The following ADORA2B variants were observed in gnomAD, a reference collection of about 807,000 sequenced individuals.
ADORA2B encodes adenosine receptor A2b.
ADORA2B carries 18 observed loss-of-function variants against 20.8 expected under a neutral mutation model. The ratio of observed to expected loss-of-function variants is 0.87; its 90% CI spans 0.60 to 1.29. The LOEUF is 1.29. ADORA2B is among the 50% of genes most tolerant of loss of function. The pLI, the probability that ADORA2B is intolerant of heterozygous loss-of-function variation, is 0.00. For synonymous variants in ADORA2B, 179 were observed against 178.3 expected (o/e 1.00, Z -0.03); for missense variants, 441 against 422.7 (o/e 1.04, Z -0.38).
the ADORA2B span, among the ~76,000 whole-genome samples, chr17:15,920,728 A>G: frequency 6.6e-6 from 1 of 152,054 alleles, no homozygotes; most frequent in African/African-American, 2.4e-5. Flanking sequence ...TCAAAAAAAA[A>G]AAAAAAAAAA....
chr17:15,943,433 C>T (rs1194622215), upstream of ADORA2B, among the ~76,000 whole-genome samples: 2 of 152,122 alleles, frequency 1.3e-5, no homozygotes, highest in Admixed American at 6.5e-5. Flanking sequence ...CTCAAAGGAT[C>T]CTCCTGCCTC....
intron 1 of ADORA2B, among the ~76,000 whole-genome samples, chr17:15,956,996 A>G (rs1969974591): frequency 1.3e-5 from 2 of 152,288 alleles, no homozygotes; most frequent in Middle Eastern, 6.8e-3. Flanking sequence ...GGAGTTTGAT[A>G]TGGTCAGGTT....
the ADORA2B span, among the ~76,000 whole-genome samples, chr17:15,904,729 T>C: frequency 6.6e-6 from 1 of 152,322 alleles, no homozygotes; most frequent in Non-Finnish European, 1.5e-5. Flanking sequence ...TTAATTTATT[T>C]TTGTGTAAAC....
chr17:15,857,262 A>G, the ADORA2B span, among the ~76,000 whole-genome samples: 1 of 152,216 alleles, frequency 6.6e-6, no homozygotes, highest in South Asian at 2.1e-4. Context: ...TCTAGATTTC[A>G]GAGGATGTAT....
chr17:15,871,495 T>C, the ADORA2B span, among the ~76,000 whole-genome samples: 2 of 152,094 alleles, frequency 1.3e-5, no homozygotes, highest in Non-Finnish European at 2.9e-5. Flanking sequence ...GGCCCTTGGC[T>C]GGAGTCTGAG....
At chr17:15,856,928 C>T in the ADORA2B span, among the ~76,000 whole-genome samples, 16 of 152,166 alleles carry the variant, frequency 1.1e-4, no homozygotes, top group East Asian at 2.3e-3. Flanking sequence ...AACAAGGAGC[C>T]GAATGTTAAT....
intron 1 of ADORA2B, among the ~76,000 whole-genome samples, chr17:15,948,295 C>T (rs868162500): frequency 6.6e-6 from 1 of 151,464 alleles, no homozygotes; most frequent in East Asian, 2.0e-4. Flanking sequence ...ACAAATATGA[C>T]GCCCTTGGCC....
At chr17:15,925,441 G>C in the ADORA2B span, among the ~76,000 whole-genome samples, 1 of 152,106 alleles carries the variant, frequency 6.6e-6, no homozygotes, top group Non-Finnish European at 1.5e-5. Context: ...GAGCCACCGA[G>C]TCTAGCCTGA....
At chr17:15,971,522 T>C (rs1212042939) in intron 1 of ADORA2B, among the ~76,000 whole-genome samples, 2 of 152,262 alleles carry the variant, frequency 1.3e-5, no homozygotes, top group Non-Finnish European at 2.9e-5. Context: ...CGACTGGTTC[T>C]TCTGCCTGTT....
the ADORA2B span, among the ~76,000 whole-genome samples, chr17:15,892,621 AG>A: frequency 6.6e-6 from 1 of 151,630 alleles, no homozygotes; most frequent in African/African-American, 2.4e-5. Flanking sequence ...CTCTTTCCCA[AG>A]AAGCTTTGCT....
chr17:15,965,379 T>G (rs1970103000), intron 1 of ADORA2B, among the ~76,000 whole-genome samples: 1 of 152,174 alleles, frequency 6.6e-6, no homozygotes, highest in African/African-American at 2.4e-5. Flanking sequence ...GTGAGTCTGT[T>G]CCATGGAGGA....
intron 1 of ADORA2B, among the ~76,000 whole-genome samples, chr17:15,956,566 T>G (rs908603829): frequency 6.6e-6 from 1 of 151,074 alleles, no homozygotes; most frequent in African/African-American, 2.4e-5. Context: ...CCTCTACTTC[T>G]TTTTTTAGGA....
chr17:15,917,641 C>G, the ADORA2B span, among the ~76,000 whole-genome samples: 1 of 152,208 alleles, frequency 6.6e-6, no homozygotes, highest in African/African-American at 2.4e-5. Context: ...CTCCCGGGGC[C>G]GGACTCCAGC....
intron 1 of ADORA2B, among the ~76,000 whole-genome samples, chr17:15,966,485 G>A (rs1298617582): frequency 6.6e-6 from 1 of 152,222 alleles, no homozygotes; most frequent in Non-Finnish European, 1.5e-5. Flanking sequence ...GGTTTGAGCT[G>A]AGGGCCACAG....
chr17:15,899,219 G>A, the ADORA2B span, among the ~76,000 whole-genome samples: 5 of 151,342 alleles, frequency 3.3e-5, no homozygotes, highest in African/African-American at 1.2e-4. Context: ...GACAGAGCGA[G>A]ACTCTGTCTC....
intron 1 of ADORA2B, among the ~76,000 whole-genome samples, chr17:15,948,054 T>A (rs1969832571): frequency 6.6e-6 from 1 of 151,970 alleles, no homozygotes; most frequent in Non-Finnish European, 1.5e-5. Flanking sequence ...AGGAGGTGTG[T>A]CCCCTTTGAA....
the ADORA2B span, among the ~76,000 whole-genome samples, chr17:15,923,572 T>A: frequency 6.6e-6 from 1 of 151,264 alleles, no homozygotes; most frequent in African/African-American, 2.4e-5. Flanking sequence ...GCCCGACTAA[T>A]TTTTTTTGTA....
At chr17:15,906,844 C>G in the ADORA2B span, among the ~76,000 whole-genome samples, 1 of 152,174 alleles carries the variant, frequency 6.6e-6, no homozygotes, top group Non-Finnish European at 1.5e-5. Context: ...CACAAATTCT[C>G]AAATGTGATG....
chr17:15,890,460 T>TTTTATTTATTTATTTA, the ADORA2B span, among the ~76,000 whole-genome samples: 3 of 83,312 alleles, frequency 3.6e-5, 1 homozygote, highest in South Asian at 3.2e-4. Flanking sequence ...CATTCCTTTC[T>TTTTATTTATTTATTTA]TTTATTTATT....
Sources: allele counts gnomAD v4.1 joint callset (sites outside exome capture counted in the v4.1 genomes callset), GRCh38; gene constraint gnomAD v4.1.1; transcripts MANE v1.5; gene names NCBI Gene and HGNC (gene_info 2026-07-23, HGNC 2026-07-21).